The following PIP5K1B variants were observed in gnomAD, a reference collection of about 807,000 sequenced individuals.
PIP5K1B encodes phosphatidylinositol-4-phosphate 5-kinase type 1 beta, also known as phosphatidylinositol 4-phosphate 5-kinase type-1 beta.
Under a neutral mutation model 67.0 loss-of-function variants are expected in PIP5K1B, and 42 were observed. That is an observed-to-expected ratio of 0.63 (90% CI 0.49 to 0.81). The LOEUF (loss-of-function observed/expected upper bound fraction) is 0.81, where lower values mean the gene tolerates loss of function less well. Among genes scored for constraint, PIP5K1B ranks in the 30% least tolerant of loss-of-function variants. The pLI is 0.00. For missense variants in PIP5K1B, 459 were observed against 646.3 expected, an observed-to-expected ratio of 0.71 and a Z score of 3.14; for synonymous variants, 214 against 231.4, an observed-to-expected ratio of 0.92 and a Z score of 0.68.
intron 2 of PIP5K1B, among the ~76,000 whole-genome samples, chr9:68,768,943 C>T (rs1425659277): frequency 6.6e-6 from 1 of 152,186 alleles, no homozygotes; most frequent in Admixed American, 6.5e-5. Context: ...CAAACCTTCT[C>T]CACTCTTGGT....
chr9:68,797,457 G>T (rs1832358620), intron 2 of PIP5K1B, among the ~76,000 whole-genome samples: 1 of 152,194 alleles, frequency 6.6e-6, no homozygotes, highest in Non-Finnish European at 1.5e-5. Flanking sequence ...TAAGTATTGG[G>T]TTGAATTTTT....
intron 1 of PIP5K1B, among the ~76,000 whole-genome samples, chr9:68,725,231 C>A (rs983800533): frequency 2.0e-5 from 3 of 152,170 alleles, no homozygotes; most frequent in African/African-American, 7.2e-5. Flanking sequence ...AATTTGGATG[C>A]AGTGAGAGCC....
In PIP5K1B at chr9:68,754,175, C is replaced by CTTTTTTTTTTTTTTTTTTTTTTTTT. The variant is rs71353081; in HGVS notation, c.-86+11530_-86+11531insTTTTTTTTTTTTTTTTTTTTTTTTT. ...AGTCTTCTTTTATGTTCCATGATTTCTTTTTTTTTTTTGAGACAGAGTCTC... is the reference window on the plus strand; with the variant it reads ...AGTCTTCTTTTATGTTCCATGATTTCTTTTTTTTTTTTTTTTTTTTTTTTTTTTTTTTTTTTTGAGACAGAGTCTC... On this transcript the variant is annotated intron_variant, in intron 2 of 15. Transcript: ENST00000265382. 7.6e-4 allele frequency among the ~76,000 whole-genome samples: 77 copies of CTTTTTTTTTTTTTTTTTTTTTTTTT among 101,060 alleles called. 16 individuals carry two copies. Among genetic ancestry groups the CTTTTTTTTTTTTTTTTTTTTTTTTT allele is most frequent in the African/African-American group, 1.0e-3 (25 of 24,404 alleles). The allele number at this position is 101,060 out of a possible 152,430, so 66.3% of individuals were successfully genotyped here. A position where few individuals can be genotyped will look rare whatever the true frequency, so the allele number is the denominator to read the frequency against.
chr9:68,869,324 T>A (rs1823512356), intron 5 of PIP5K1B, among the ~76,000 whole-genome samples: 1 of 152,216 alleles, frequency 6.6e-6, no homozygotes. Context: ...ACAAGGGATC[T>A]AGGTTGTTTG....
At chr9:68,851,834 G>A (rs1310538108) in intron 4 of PIP5K1B, among the ~76,000 whole-genome samples, 2 of 152,210 alleles carry the variant, frequency 1.3e-5, no homozygotes, top group African/African-American at 2.4e-5. Flanking sequence ...CTCTTCCAAA[G>A]CACAGCTGGG....
chr9:68,917,238 T>G (rs1023590501), intron 8 of PIP5K1B, among the ~76,000 whole-genome samples: 2 of 152,204 alleles, frequency 1.3e-5, no homozygotes, highest in Non-Finnish European at 2.9e-5. Flanking sequence ...GCAAATGAGC[T>G]TCCTAGCACT....
intron 1 of PIP5K1B, among the ~76,000 whole-genome samples, chr9:68,715,870 T>A (rs906721381): frequency 6.6e-6 from 1 of 152,186 alleles, no homozygotes; most frequent in African/African-American, 2.4e-5. Flanking sequence ...TGAGCCGCAT[T>A]TCTATAATGG....
At chr9:68,885,074 C>T (rs1178247349) in intron 6 of PIP5K1B, among the ~76,000 whole-genome samples, 1 of 152,096 alleles carries the variant, frequency 6.6e-6, no homozygotes, top group Non-Finnish European at 1.5e-5. Flanking sequence ...CATCAAAGGA[C>T]AAATGGATTT....
chr9:68,878,896 A>G (rs1824031898), intron 6 of PIP5K1B, among the ~76,000 whole-genome samples: 2 of 152,172 alleles, frequency 1.3e-5, no homozygotes, highest in African/African-American at 4.8e-5. Flanking sequence ...ATGGATGCTC[A>G]GGGGGTGAAG....
At chr9:68,929,999 T>C (rs1826912052) in intron 12 of PIP5K1B, among the ~76,000 whole-genome samples, 1 of 152,230 alleles carries the variant, frequency 6.6e-6, no homozygotes, top group Non-Finnish European at 1.5e-5. Context: ...CTCTCCAGCA[T>C]GTGAGACCAC....
intron 8 of PIP5K1B, among the ~76,000 whole-genome samples, chr9:68,897,387 A>G (rs11144178): frequency 0.098 from 14,881 of 152,266 alleles, 856 homozygotes; most frequent in Non-Finnish European, 0.14. Flanking sequence ...CATACAGTCT[A>G]GTATGTGCAA....
At chr9:68,828,278 C>T (rs1247972315) in intron 4 of PIP5K1B, among the ~76,000 whole-genome samples, 2 of 152,178 alleles carry the variant, frequency 1.3e-5, no homozygotes, top group African/African-American at 4.8e-5. Flanking sequence ...TTTTGATGAC[C>T]GCAGGCTGCC....
chr9:68,887,979 CTTTTT>C (rs71353088), intron 6 of PIP5K1B, among the ~76,000 whole-genome samples: 4 of 107,168 alleles, frequency 3.7e-5, no homozygotes, highest in Non-Finnish European at 5.9e-5. Flanking sequence ...GGAATCCAGC[CTTTTT>C]TTTTTTTTTT....
At chr9:68,895,607 G>T (rs1405480840) in intron 8 of PIP5K1B, among the ~76,000 whole-genome samples, 20 of 146,186 alleles carry the variant, frequency 1.4e-4, no homozygotes, top group Non-Finnish European at 1.5e-5. Context: ...TTCCACTAAG[G>T]AACACAGGTC....
chr9:68,775,688 C>T (rs1038951969), intron 2 of PIP5K1B, among the ~76,000 whole-genome samples: 9 of 152,114 alleles, frequency 5.9e-5, no homozygotes, highest in South Asian at 2.1e-4. Flanking sequence ...TTTGGACCAA[C>T]GTTGGCCACA....
At chr9:68,740,264 G>T (rs7032100) in intron 1 of PIP5K1B, among the ~76,000 whole-genome samples, 66,622 of 152,120 alleles carry the variant, frequency 0.44, 15,763 homozygotes, top group African/African-American at 0.63. Flanking sequence ...TAACAAGGCT[G>T]TATAAATAGA....
chr9:68,847,586 T>C (rs140101842), intron 4 of PIP5K1B, among the ~76,000 whole-genome samples: 1 of 151,950 alleles, frequency 6.6e-6, no homozygotes. Flanking sequence ...CAGCCTAGAT[T>C]CTAATTCCTA....
chr9:68,855,823 AC>A (rs1468719697), intron 4 of PIP5K1B, among the ~76,000 whole-genome samples: 2 of 152,030 alleles, frequency 1.3e-5, no homozygotes, highest in Non-Finnish European at 2.9e-5. Context: ...GGGTAGGCAA[AC>A]CTCCTCCTCT....
chr9:68,874,454 A>G (rs1161693167), intron 5 of PIP5K1B, among the ~76,000 whole-genome samples: 1 of 152,104 alleles, frequency 6.6e-6, no homozygotes, highest in East Asian at 1.9e-4. Context: ...TGTCTGTCTC[A>G]CCTCCAGGGA....
Sources: allele counts gnomAD v4.1 joint callset (sites outside exome capture counted in the v4.1 genomes callset), GRCh38; gene constraint gnomAD v4.1.1; transcripts MANE v1.5; gene names NCBI Gene and HGNC (gene_info 2026-07-23, HGNC 2026-07-21).